The following MACF1 variants were observed in gnomAD, a reference collection of about 807,000 sequenced individuals.
MACF1 encodes microtubule actin crosslinking factor 1, also known as microtubule-actin cross-linking factor 1.
A neutral mutation model predicts 854.8 loss-of-function variants in MACF1; 193 were observed. The observed-to-expected ratio is 0.23, with a 90% CI of 0.20 to 0.25. MACF1 has a LOEUF of 0.25. Ranked by LOEUF, MACF1 falls within the 10% of genes least tolerant of loss-of-function variation. The pLI, the probability that MACF1 is intolerant of heterozygous loss-of-function variation, is 1.00. For synonymous variants in MACF1, 3,185 were observed against 3,226.7 expected (o/e 0.99, Z 0.44); for missense variants, 7,722 against 8,929.1 (o/e 0.86, Z 5.45).
rs956404752 is a variant in MACF1 at position 39,322,957 on chromosome 1, T to C, written c.4185T>C (p.Thr1395=). The change falls in exon 33 of 101, where the codon ACT becomes ACC. Residue 1395 remains threonine (T), a synonymous_variant. Coordinates refer to ENST00000564288, the MANE Select transcript of MACF1 (RefSeq NM_001394062.1). The part of the protein sequence containing the change: ...TRYTALVTLT[T]QHVKYISDAL... Reference sequence around the variant, plus strand: ...ACACGGCATTGGTGACTTTAACAACTCAGCACGTGAAATACATCAGTGATG... The same window carrying C: ...ACACGGCATTGGTGACTTTAACAACCCAGCACGTGAAATACATCAGTGATG... 10 of 1,613,946 alleles carry C rather than the reference T, an allele frequency of 6.2e-6. No homozygotes were observed. The African/African-American group carries it at 8.0e-5, about 13-fold the overall frequency.
intron 95 of MACF1, among the ~76,000 whole-genome samples, chr1:39,467,569 G>C (rs1644696636): frequency 1.3e-5 from 2 of 152,170 alleles, no homozygotes; most frequent in South Asian, 4.1e-4. Context: ...GAGCTGGGAA[G>C]TAGGAATGTT....
chr1:39,411,872 A>G, intron 58 of MACF1: 3 of 1,613,816 alleles, frequency 1.9e-6, no homozygotes, highest in Non-Finnish European at 2.5e-6. Context: ...ACTAGATTGG[A>G]TTGTGGATAT....
At chr1:39,276,613 C>G (rs963744931) in intron 6 of MACF1, among the ~76,000 whole-genome samples, 1 of 152,182 alleles carries the variant, frequency 6.6e-6, no homozygotes, top group African/African-American at 2.4e-5. Flanking sequence ...TAACACCCTT[C>G]AAGGATGAGT....
intron 58 of MACF1, chr1:39,412,721 AT>A: frequency 6.2e-7 from 1 of 1,613,962 alleles, no homozygotes; most frequent in Non-Finnish European, 8.5e-7. Context: ...AAGGCTGGTA[AT>A]ACTGAACCAG....
intron 63 of MACF1, among the ~76,000 whole-genome samples, chr1:39,428,519 A>G (rs1557649570): frequency 6.6e-6 from 1 of 152,198 alleles, no homozygotes; most frequent in Non-Finnish European, 1.5e-5. Flanking sequence ...GGTACAGGGT[A>G]TATAGTCAGG....
chr1:39,232,457 TATGA>T (rs1644788889), intron 2 of MACF1, among the ~76,000 whole-genome samples: 1 of 152,218 alleles, frequency 6.6e-6, no homozygotes, highest in Non-Finnish European at 1.5e-5. Flanking sequence ...CTCTTTCCTC[TATGA>T]ATGCCTTTTT....
At chr1:39,288,963 A>G (rs1310598002) in intron 15 of MACF1, among the ~76,000 whole-genome samples, 1 of 152,154 alleles carries the variant, frequency 6.6e-6, no homozygotes, top group Non-Finnish European at 1.5e-5. Flanking sequence ...TGATTTATAC[A>G]TCCCACAGCT....
In MACF1 at chr1:39,485,614, A is replaced by G. The variant is rs746670840; in HGVS notation, c.22488A>G (p.Gly7496=). Residue 7496 remains glycine (G), a synonymous_variant, in exon 101 of 101, where the codon GGA becomes GGG. Transcript: ENST00000564288. ...GGAGTCGAGCCAGCAGCCGGCGAGG[A>G]AGTGACGCTTCTGACTTTGACCTCT... ...RAGSRASSRR[G]SDASDFDLLE... 1 of 1,614,092 alleles carries G rather than the reference A, an allele frequency of 6.2e-7. No individual in the cohort carries two copies. Among genetic ancestry groups the G allele is most frequent in the Non-Finnish European group, 8.5e-7 (1 of 1,179,996 alleles).
At chr1:39,134,239 G>C (rs922356593) in intron 2 of MACF1, among the ~76,000 whole-genome samples, 1 of 151,212 alleles carries the variant, frequency 6.6e-6, no homozygotes, top group Non-Finnish European at 1.5e-5. Context: ...GTAGAGACGG[G>C]GTTTCACTGT....
Position 39,169,104 on chromosome 1 carries a change from CAG to C in MACF1, c.221-62075_221-62074del, listed in dbSNP as rs749077437. On this transcript the variant is annotated intron_variant, in intron 2 of 93. Coordinates refer to the MACF1 transcript ENST00000361689. ...TCTGTCATTGAGTTCTTTTGTTCTT[CAG>C]AGTTTCTCTTAAATTTGTCTTTTTC... is the stretch of plus-strand genomic sequence containing the variant. 3.9e-5 allele frequency among the ~76,000 whole-genome samples: 6 copies of C among 152,192 alleles called. No homozygotes were observed. In the East Asian group the frequency reaches 5.8e-4, roughly 15 times the overall value.
At chr1:39,125,768 G>C (rs1258678369) in intron 2 of MACF1, among the ~76,000 whole-genome samples, 1 of 152,188 alleles carries the variant, frequency 6.6e-6, no homozygotes, top group Admixed American at 6.5e-5. Flanking sequence ...TAGGTGGGCG[G>C]ATCGCCTGAG....
chr1:39,379,555 C>T (rs897397413), intron 54 of MACF1, 111 bp downstream of exon 54: 2 of 1,173,578 alleles, frequency 1.7e-6, no homozygotes, highest in Non-Finnish European at 2.4e-6. Context: ...ACAATCTAGG[C>T]TGTGATGGGC....
In MACF1 at chr1:39,360,830, C is replaced by T. The variant is rs779804770; in HGVS notation, c.12282C>T (p.Ser4094=). Residue 4094 remains serine (S), a synonymous_variant, in exon 48 of 101, where the codon AGC becomes AGT. Coordinates refer to ENST00000564288, the MANE Select transcript of MACF1 (RefSeq NM_001394062.1). ...ILSHFQSLSY[S]LAERSSLLQK... The stretch of plus-strand genomic sequence containing the variant: ...GCCACTTCCAAAGCCTCTCCTATAG[C>T]CTGGCTGAGCGATCTTCTCTGCTGC... The T allele has an allele frequency of 8.1e-6, 13 of 1,614,048 alleles. No individual in the cohort carries two copies. The highest frequency in any genetic ancestry group is 5.0e-5 in the Admixed American group (3 of 60,004).
At chr1:39,424,367 C>A (rs1375248105) in intron 61 of MACF1, among the ~76,000 whole-genome samples, 173 bp downstream of exon 61, 1 of 152,158 alleles carries the variant, frequency 6.6e-6, no homozygotes, top group African/African-American at 2.4e-5. Context: ...GAATCACACT[C>A]AGGAAATGGT....
chr1:39,332,808 G>A lies in MACF1; in HGVS notation c.6220G>A (p.Val2074Ile), dbSNP rs779166595. 2 of 1,614,150 alleles carry A rather than the reference G, an allele frequency of 1.2e-6. No homozygotes were observed. Among genetic ancestry groups the A allele is most frequent in the Non-Finnish European group, 1.7e-6 (2 of 1,180,038 alleles). ...CACTGTAGAAACAGAAGATTCTTCT[G>A]TAGAGAACCCTGAACAGGATCTGTT... ...KTTVETEDSS[V>I]ENPEQDLFVE... Residue 2074 changes from valine to isoleucine, a missense_variant, in exon 37 of 101, where the codon GTA becomes ATA. Transcript: ENST00000564288.
Position 39,359,173 on chromosome 1 carries a change from A to T in MACF1, c.12153A>T (p.Val4051=). The part of the protein sequence containing the change: ...QLQEELAEHQ[V]PVEKLQKVAR... ...AGGAGGAATTGGCTGAGCACCAAGT[A>T]CCTGTGGAAAAACTCCAAAAAGTAG... The change falls in exon 47 of 101, where the codon GTA becomes GTT. Residue 4051 remains valine, a synonymous_variant. Coordinates refer to ENST00000564288, the MANE Select transcript of MACF1 (RefSeq NM_001394062.1). 1 of 1,614,146 alleles carries T rather than the reference A, an allele frequency of 6.2e-7. No individual in the cohort carries two copies. Among genetic ancestry groups the T allele is most frequent in the Non-Finnish European group, 8.5e-7 (1 of 1,180,022 alleles).
At chr1:39,091,050 C>G (rs1185874570) in intron 2 of MACF1, among the ~76,000 whole-genome samples, 1 of 152,154 alleles carries the variant, frequency 6.6e-6, no homozygotes, top group East Asian at 1.9e-4. Context: ...GGAATCTCTG[C>G]CTGGATCTGG....
At chr1:39,245,653 T>C (rs999008141) in intron 2 of MACF1, among the ~76,000 whole-genome samples, 7 of 152,152 alleles carry the variant, frequency 4.6e-5, no homozygotes, top group Non-Finnish European at 1.5e-5. Context: ...TTTGGGAGGC[T>C]GAAGTGGGAG....
At chr1:39,300,772 G>A (rs1646023096) in intron 22 of MACF1, among the ~76,000 whole-genome samples, 1 of 152,158 alleles carries the variant, frequency 6.6e-6, no homozygotes. Flanking sequence ...TGGCTGGGTG[G>A]AGAGGCTCAT....
Sources: gnomAD v4.1 joint callset for allele counts (sites outside exome capture counted in the v4.1 genomes callset) on GRCh38, gnomAD v4.1.1 for gene constraint, MANE v1.5 for transcripts, NCBI Gene and HGNC (gene_info 2026-07-23, HGNC 2026-07-21) for gene names.